Variants in CCDC200 observed in about 807,000 individuals in gnomAD.
CCDC200 encodes coiled-coil domain-containing protein 200.
intron 1 of CCDC200, among the ~76,000 whole-genome samples, chr17:43,227,198 C>G (rs958043832): frequency 2.6e-5 from 4 of 151,576 alleles, no homozygotes; most frequent in Middle Eastern, 6.8e-3. Context: ...AGGCTGGTCT[C>G]GAACTCCTGA....
Position 43,224,326 on chromosome 17 carries a change from G to T in CCDC200, c.329C>A (p.Pro110Gln), listed in dbSNP as rs765491436. The change falls in exon 2 of 4, where the codon CCA becomes CAA. Residue 110 changes from proline (P) to glutamine (Q), a missense_variant. Transcript: ENST00000636331. ...TTGTGTTGGCTGAGGTGGTGGCTGT[G>T]GTTGTGGTGGCTGTGGCCCTGGCCA... ...QVWPGPQPPQPQPPPQPTQPS... is the reference protein window; with the variant it reads ...QVWPGPQPPQQQPPPQPTQPS... 1 of 156,140 alleles carries T rather than the reference G, an allele frequency of 6.4e-6. No homozygotes were observed. The highest frequency in any genetic ancestry group is 2.4e-5 in the African/African-American group (1 of 41,454). The allele number at this position is 156,140 out of a possible 1,614,324, so 9.7% of individuals were successfully genotyped here.
intron 3 of CCDC200, among the ~76,000 whole-genome samples, chr17:43,221,955 C>T (rs1185784020): frequency 1.3e-5 from 2 of 151,790 alleles, no homozygotes; most frequent in African/African-American, 2.4e-5. Flanking sequence ...ATTAGCTGGG[C>T]GTGGTGGTAC....
At position 43,221,551 on chromosome 17, in the gene CCDC200, T is replaced by C. The variant is rs886493299; in HGVS notation, c.*20A>G. 1.3e-5 allele frequency: 2 copies of C among 152,454 alleles called. No homozygotes were observed. The highest frequency in any genetic ancestry group is 4.8e-5 in the African/African-American group (2 of 41,370). The allele number at this position is 152,454 out of a possible 1,614,324, so 9.4% of individuals were successfully genotyped here. A position where few individuals can be genotyped will look rare whatever the true frequency, so the allele number is the denominator to read the frequency against. ...CTGCATTTTGGGGATGGCCATGGGG[T>C]CCTGGGTTCAATCTCTGGATCACCA... On this transcript the variant is annotated 3_prime_UTR_variant, in exon 4 of 4. Transcript: ENST00000636331.
chr17:43,223,391 C>T (rs2057546701), intron 3 of CCDC200, among the ~76,000 whole-genome samples, 165 bp downstream of exon 3: 1 of 150,834 alleles, frequency 6.6e-6, no homozygotes, highest in Non-Finnish European at 1.5e-5. Flanking sequence ...AGGAATAGAC[C>T]ATCCAGAAGT....
At chr17:43,227,635 GC>G (rs2057578834) in intron 1 of CCDC200, among the ~76,000 whole-genome samples, 1 of 151,608 alleles carries the variant, frequency 6.6e-6, no homozygotes, top group African/African-American at 2.4e-5. Context: ...CCAGGCAAGC[GC>G]CACCATGCCT....
At chr17:43,230,972 T>C, upstream of CCDC200, among the ~76,000 whole-genome samples, 3 of 38,272 alleles carry the variant, frequency 7.8e-5, no homozygotes, top group Non-Finnish European at 1.0e-4. Flanking sequence ...AGAGTGAGAC[T>C]CCGTCTCAAA....
intron 1 of CCDC200, among the ~76,000 whole-genome samples, chr17:43,225,848 C>G (rs1197631757): frequency 6.8e-6 from 1 of 147,242 alleles, no homozygotes; most frequent in African/African-American, 2.5e-5. Context: ...ATTCTCCTGC[C>G]TCAGCCTCCT....
chr17:43,225,246 T>G (rs576939486), intron 1 of CCDC200, among the ~76,000 whole-genome samples: 28 of 151,990 alleles, frequency 1.8e-4, no homozygotes, highest in African/African-American at 6.5e-4. Context: ...GTTGCCTAGG[T>G]TGGTTTGGAA....
intron 1 of CCDC200, among the ~76,000 whole-genome samples, chr17:43,225,693 T>TATATATA (rs1282739067): frequency 1.0e-4 from 3 of 28,966 alleles, no homozygotes; most frequent in Admixed American, 6.9e-4. Context: ...TATATATATA[T>TATATATA]TGCATGCTAC....
At chr17:43,223,070 C>T (rs2057543990) in intron 3 of CCDC200, among the ~76,000 whole-genome samples, 1 of 151,364 alleles carries the variant, frequency 6.6e-6, no homozygotes, top group African/African-American at 2.4e-5. Context: ...CCTGGCTACC[C>T]AGCTAGTTTT....
upstream of CCDC200, among the ~76,000 whole-genome samples, chr17:43,230,979 CAAAA>C (rs1359819265): frequency 6.4e-5 from 2 of 31,030 alleles, no homozygotes; most frequent in Non-Finnish European, 9.7e-5. Context: ...GACTCCGTCT[CAAAA>C]AAAAAAAAAA....
At chr17:43,225,370 A>G (rs2057559609) in intron 1 of CCDC200, among the ~76,000 whole-genome samples, 1 of 151,790 alleles carries the variant, frequency 6.6e-6, no homozygotes, top group Admixed American at 6.6e-5. Flanking sequence ...AAATAAAAAT[A>G]TAATTCATGC....
intron 3 of CCDC200, among the ~76,000 whole-genome samples, chr17:43,222,234 T>G (rs1246123216): frequency 4.6e-5 from 7 of 150,838 alleles, no homozygotes; most frequent in Admixed American, 1.3e-4. Context: ...GGTGTCATCC[T>G]GGCTCACTGC....
intron 1 of CCDC200, among the ~76,000 whole-genome samples, chr17:43,225,922 C>CG (rs1567880808): frequency 3.4e-5 from 5 of 148,962 alleles, no homozygotes; most frequent in Admixed American, 1.4e-4. Flanking sequence ...TTAGTAGAGG[C>CG]GGGGTTTCAC....
Position 43,222,595 on chromosome 17 carries a change from T to C in CCDC200, c.480+961A>G, listed in dbSNP as rs1461565274. On this transcript the variant is annotated intron_variant, in intron 3 of 3. Coordinates refer to ENST00000636331, the MANE Select transcript of CCDC200 (RefSeq NM_001363254.2). ...CATACCCAGGCATTTTTTCCTTTTT[T>C]TTTTTTTTTCTTTCAGGGAGGGTCT... 3.3e-5 allele frequency among the ~76,000 whole-genome samples: 5 copies of C among 151,634 alleles called. No individual in the cohort carries two copies. The South Asian group carries it at 1.0e-3, about 32-fold the overall frequency.
intron 1 of CCDC200, among the ~76,000 whole-genome samples, chr17:43,227,609 C>G (rs1220262747): frequency 5.9e-5 from 9 of 151,916 alleles, no homozygotes; most frequent in East Asian, 2.0e-4. Flanking sequence ...CTCAGTCTCC[C>G]CAGGTAGCTG....
upstream of CCDC200, among the ~76,000 whole-genome samples, chr17:43,230,746 T>C (rs2057593249): frequency 3.1e-5 from 2 of 64,906 alleles, no homozygotes; most frequent in Non-Finnish European, 8.0e-5. Context: ...TTTGGGAGGC[T>C]GAGGCGGGCA....
At chr17:43,225,924 G>A (rs1472755683) in intron 1 of CCDC200, among the ~76,000 whole-genome samples, 2 of 150,640 alleles carry the variant, frequency 1.3e-5, no homozygotes, top group South Asian at 4.2e-4. Flanking sequence ...AGTAGAGGCG[G>A]GGTTTCACCA....
At chr17:43,226,894 T>C (rs188774867) in intron 1 of CCDC200, among the ~76,000 whole-genome samples, 96 of 152,314 alleles carry the variant, frequency 6.3e-4, no homozygotes, top group African/African-American at 2.2e-3. Flanking sequence ...GTTGAAAAAG[T>C]AGATGTACAT....
Sources: gnomAD v4.1 joint callset for allele counts (sites outside exome capture counted in the v4.1 genomes callset) on GRCh38, gnomAD v4.1.1 for gene constraint, MANE v1.5 for transcripts, NCBI Gene and HGNC (gene_info 2026-07-23, HGNC 2026-07-21) for gene names.